Variants in FHIT observed in about 807,000 individuals in gnomAD.
The protein encoded by FHIT is bis(5'-adenosyl)-triphosphatase.
In FHIT, 19 loss-of-function variants were observed where a neutral mutation model predicts 17.9. The ratio of observed to expected loss-of-function variants is 1.06; its 90% confidence interval spans 0.74 to 1.56. The LOEUF (loss-of-function observed/expected upper bound fraction) is 1.56, where lower values mean the gene tolerates loss of function less well. Among genes scored for constraint, FHIT ranks in the 40% most tolerant of loss-of-function variants. The pLI is 0.00. For synonymous variants in FHIT, 81 were observed against 69.7 expected (o/e 1.16, Z -0.81); for missense variants, 248 against 189.2 (o/e 1.31, Z -1.82).
intron 5 of FHIT, among the ~76,000 whole-genome samples, chr3:60,453,436 C>T (rs381217): frequency 0.51 from 77,433 of 151,964 alleles, 22,296 homozygotes; most frequent in African/African-American, 0.78. Context: ...CTTTCCAATG[C>T]TCCAATGCCT....
At chr3:60,500,946 C>T (rs1439167339) in intron 5 of FHIT, among the ~76,000 whole-genome samples, 1 of 152,094 alleles carries the variant, frequency 6.6e-6, no homozygotes, top group African/African-American at 2.4e-5. Flanking sequence ...GGGCTTGGCA[C>T]ATATTCGGTT....
intron 3 of FHIT, among the ~76,000 whole-genome samples, chr3:61,014,761 CAG>C (rs1440835720): frequency 4.5e-5 from 5 of 110,550 alleles, no homozygotes; most frequent in African/African-American, 1.9e-4. Flanking sequence ...GCCTGGGTGA[CAG>C]AGCGAGACTC....
chr3:60,762,170 T>C (rs1166647125), intron 4 of FHIT, among the ~76,000 whole-genome samples: 3 of 152,206 alleles, frequency 2.0e-5, no homozygotes, highest in Non-Finnish European at 4.4e-5. Context: ...ACCACTTGCC[T>C]ACCCAGTTAT....
chr3:60,329,106 G>A (rs1559824780), intron 5 of FHIT, among the ~76,000 whole-genome samples: 1 of 152,166 alleles, frequency 6.6e-6, no homozygotes, highest in Admixed American at 6.5e-5. Context: ...TCTCAAGGAT[G>A]AGAACCATGA....
At chr3:61,251,098 T>C (rs1046860486) in intron 1 of FHIT, among the ~76,000 whole-genome samples, 1 of 152,136 alleles carries the variant, frequency 6.6e-6, no homozygotes, top group Non-Finnish European at 1.5e-5. Flanking sequence ...GGGTTAGGGC[T>C]AGGGTCGGTG....
At chr3:61,182,821 T>C (rs2038383933) in intron 2 of FHIT, among the ~76,000 whole-genome samples, 1 of 152,140 alleles carries the variant, frequency 6.6e-6, no homozygotes, top group African/African-American at 2.4e-5. Flanking sequence ...GTAGCCCACT[T>C]CATGATTATT....
intron 3 of FHIT, among the ~76,000 whole-genome samples, chr3:60,909,156 G>C (rs1282203300): frequency 2.0e-5 from 3 of 152,018 alleles, no homozygotes; most frequent in African/African-American, 7.2e-5. Flanking sequence ...GGATCACGAG[G>C]TCAGGAGATC....
At chr3:60,099,135 G>A (rs1035265792) in intron 5 of FHIT, among the ~76,000 whole-genome samples, 3 of 152,078 alleles carry the variant, frequency 2.0e-5, no homozygotes, top group East Asian at 1.9e-4. Context: ...GTAATCATGC[G>A]CTGTTGCCTG....
chr3:59,810,621 C>G (rs192506114), intron 8 of FHIT, among the ~76,000 whole-genome samples: 1 of 152,290 alleles, frequency 6.6e-6, no homozygotes, highest in Admixed American at 6.5e-5. Flanking sequence ...TTCTGATATA[C>G]ACAGATGTGT....
chr3:60,688,248 G>A (rs1240172512), intron 4 of FHIT, among the ~76,000 whole-genome samples: 1 of 152,048 alleles, frequency 6.6e-6, no homozygotes, highest in Non-Finnish European at 1.5e-5. Flanking sequence ...TTATGCATAA[G>A]GAAATTCAAA....
chr3:60,160,124 A>ATGTG (rs10565469), intron 5 of FHIT, among the ~76,000 whole-genome samples: 2 of 150,910 alleles, frequency 1.3e-5, no homozygotes, highest in Admixed American at 1.3e-4. Flanking sequence ...TTCTGTGCTT[A>ATGTG]TGTGTGTGTG....
chr3:59,970,368 C>T (rs1879996), intron 7 of FHIT, among the ~76,000 whole-genome samples: 29,541 of 151,936 alleles, frequency 0.19, 3,418 homozygotes, highest in East Asian at 0.37. Flanking sequence ...CAATGCTCAT[C>T]CCAACAGATG....
At chr3:59,806,756 G>C (rs140282357) in intron 8 of FHIT, among the ~76,000 whole-genome samples, 286 of 87,304 alleles carry the variant, frequency 3.3e-3, no homozygotes, top group African/African-American at 0.011. Flanking sequence ...AGTGTATGGG[G>C]TTAGAATGCA....
chr3:60,496,241 A>C (rs1299129847), intron 5 of FHIT, among the ~76,000 whole-genome samples: 1 of 152,144 alleles, frequency 6.6e-6, no homozygotes, highest in Non-Finnish European at 1.5e-5. Context: ...AATAAAAAAA[A>C]GTCCTGTGAT....
At chr3:60,054,187 T>C (rs1285652758) in intron 5 of FHIT, among the ~76,000 whole-genome samples, 4 of 152,184 alleles carry the variant, frequency 2.6e-5, no homozygotes, top group African/African-American at 4.8e-5. Context: ...TAGATTCAAA[T>C]TTCTTCAGAG....
At position 59,837,394 on chromosome 3, in the gene FHIT, C is replaced by T. The variant is rs548924282; in HGVS notation, c.348+84952G>A. Among the ~76,000 whole-genome samples, 19 of 152,156 alleles carry T rather than the reference C, an allele frequency of 1.2e-4. 1 individual carries two copies. The highest frequency in any genetic ancestry group is 7.7e-4 in the East Asian group (4 of 5,176). ...AATACCTAATACAATATAAATGCTA[C>T]GTAAATAGTTATACTTTATTGTTTA... On this transcript the variant is annotated intron_variant, in intron 8 of 9. Coordinates refer to ENST00000492590, the MANE Select transcript of FHIT (RefSeq NM_002012.4).
At chr3:61,213,525 A>C (rs2039561078) in intron 1 of FHIT, among the ~76,000 whole-genome samples, 1 of 152,200 alleles carries the variant, frequency 6.6e-6, no homozygotes, top group African/African-American at 2.4e-5. Context: ...AGTGACCTAC[A>C]AAGAGACTTA....
chr3:59,961,047 G>A (rs539264612), intron 7 of FHIT, among the ~76,000 whole-genome samples: 8 of 152,280 alleles, frequency 5.3e-5, no homozygotes, highest in Admixed American at 1.3e-4. Flanking sequence ...AGTGGTTTGC[G>A]GATGAGGGGA....
intron 5 of FHIT, among the ~76,000 whole-genome samples, chr3:60,196,438 T>C (rs566200259): frequency 5.9e-5 from 9 of 152,214 alleles, no homozygotes; most frequent in Admixed American, 5.9e-4. Context: ...CCTCTTTCAT[T>C]TATAAGGACC....
Sources: gnomAD v4.1 joint callset for allele counts (sites outside exome capture counted in the v4.1 genomes callset) on GRCh38, gnomAD v4.1.1 for gene constraint, MANE v1.5 for transcripts, NCBI Gene and HGNC (gene_info 2026-07-23, HGNC 2026-07-21) for gene names.